Variants in WBP1L observed in about 807,000 individuals in gnomAD.
WBP1L encodes the protein WW domain binding protein 1-like.
In WBP1L, 17 loss-of-function variants were observed where a neutral mutation model predicts 33.7. The observed-to-expected ratio is 0.50, with a 90% confidence interval of 0.34 to 0.76. The LOEUF (loss-of-function observed/expected upper bound fraction) is 0.76. WBP1L is among the 30% of genes least tolerant of loss of function. The probability of loss-of-function intolerance (pLI) is 0.01; values close to 1 mark genes in which losing one functional copy is unlikely to be tolerated. For missense variants in WBP1L, 389 were observed against 469.4 expected (o/e 0.83, Z 1.58); for synonymous variants, 173 against 190.8 (o/e 0.91, Z 0.77).
At chr10:102,776,783 G>T (rs1365340632) in intron 1 of WBP1L, among the ~76,000 whole-genome samples, 1 of 152,108 alleles carries the variant, frequency 6.6e-6, no homozygotes, top group Non-Finnish European at 1.5e-5. Context: ...TCTCCATTTT[G>T]ATTTGGCTAG....
intron 1 of WBP1L, among the ~76,000 whole-genome samples, chr10:102,788,138 T>TC (rs1179907345): frequency 6.8e-6 from 1 of 146,730 alleles, no homozygotes; most frequent in East Asian, 2.0e-4. Flanking sequence ...TTTCTTTCTT[T>TC]TTTTTTTTTT....
At chr10:102,784,601 A>G (rs1399001469) in intron 1 of WBP1L, among the ~76,000 whole-genome samples, 1 of 150,794 alleles carries the variant, frequency 6.6e-6, no homozygotes, top group African/African-American at 2.4e-5. Flanking sequence ...AATTTTTTGT[A>G]TTTTTAGTAG....
rs148243020 is a variant in WBP1L, at chr10:102,812,824, C to T, written c.585C>T (p.Ile195=). 1.4e-4 allele frequency: 224 copies of T among 1,592,988 alleles called. No individual in the cohort carries two copies. Among genetic ancestry groups the T allele is most frequent in the Admixed American group, 1.6e-4 (9 of 57,422 alleles). The stretch of plus-strand genomic sequence containing the variant: ...GAAGCAGCACAAGACCCCCAAGCAT[C>T]GCTGACCCTGATCCCTCTGACCTAC... The part of the protein sequence containing the change: ...PSRSSTRPPS[I]ADPDPSDLPV... The change falls in exon 4 of 4, where the codon ATC becomes ATT. Residue 195 remains isoleucine, a synonymous_variant. Transcript: ENST00000448841.
At chr10:102,796,019 A>G (rs1843568701) in intron 1 of WBP1L, among the ~76,000 whole-genome samples, 1 of 152,200 alleles carries the variant, frequency 6.6e-6, no homozygotes, top group South Asian at 2.1e-4. Flanking sequence ...ATGGTCCACA[A>G]CTTGCGATGG....
chr10:102,775,858 G>A (rs139043611), intron 1 of WBP1L, among the ~76,000 whole-genome samples: 26 of 152,220 alleles, frequency 1.7e-4, no homozygotes, highest in Non-Finnish European at 2.6e-4. Context: ...AATACTCTAG[G>A]AGCTACAAAG....
At chr10:102,744,251 G>T in intron 1 of WBP1L, 108 bp downstream of exon 1, 1 of 1,303,986 alleles carries the variant, frequency 7.7e-7, no homozygotes, top group South Asian at 1.6e-5. Flanking sequence ...GTCCCGAGAG[G>T]GGCGTCTATG....
intron 2 of WBP1L, among the ~76,000 whole-genome samples, chr10:102,802,597 G>A (rs1029656752): frequency 3.3e-5 from 5 of 152,050 alleles, no homozygotes; most frequent in Non-Finnish European, 7.4e-5. Context: ...CCAGGTCCAA[G>A]CGATTCTCCC....
intron 1 of WBP1L, among the ~76,000 whole-genome samples, chr10:102,774,957 A>C (rs1326643333): frequency 6.6e-6 from 1 of 151,888 alleles, no homozygotes; most frequent in African/African-American, 2.4e-5. Flanking sequence ...CTACACAAAA[A>C]AACAAAAATT....
chr10:102,765,120 A>G (rs1843091733), intron 1 of WBP1L, among the ~76,000 whole-genome samples: 1 of 152,180 alleles, frequency 6.6e-6, no homozygotes, highest in Non-Finnish European at 1.5e-5. Context: ...AGACTTCATG[A>G]GCTTGGAGAA....
chr10:102,810,704 T>C (rs942600210), intron 3 of WBP1L, among the ~76,000 whole-genome samples: 8 of 150,894 alleles, frequency 5.3e-5, no homozygotes, highest in South Asian at 2.1e-4. Flanking sequence ...GTAGCTGGGA[T>C]TACAGGCATG....
In WBP1L at chr10:102,793,668, C is replaced by T. The variant is rs1843533670; in HGVS notation, c.91-4325C>T. Among the ~76,000 whole-genome samples the T allele has an allele frequency of 2.6e-5, 4 of 152,074 alleles. No homozygotes were observed. The South Asian group carries it at 8.3e-4, about 32-fold the overall frequency. The stretch of plus-strand genomic sequence containing the variant: ...TTTCATGCTCAGCAATAGTGGCTCA[C>T]AGAATAATGTTGATAGTAGGAGCCC... On this transcript the variant is annotated intron_variant, in intron 1 of 3. Transcript: ENST00000448841.
chr10:102,785,947 T>C (rs1348437308), intron 1 of WBP1L, among the ~76,000 whole-genome samples: 1 of 152,244 alleles, frequency 6.6e-6, no homozygotes, highest in South Asian at 2.1e-4. Context: ...CCCTGGGACA[T>C]TGACAAGTAG....
At chr10:102,777,291 C>G (rs1843278038) in intron 1 of WBP1L, among the ~76,000 whole-genome samples, 1 of 152,116 alleles carries the variant, frequency 6.6e-6, no homozygotes. Flanking sequence ...GCTGCCTGTT[C>G]CTGGGTGAGG....
chr10:102,814,083 A>G lies in WBP1L; in HGVS notation c.*752A>G, dbSNP rs1843891699. Reference sequence around the variant, plus strand: ...AAAAACAAACAGCAAAAGACAGCTGAAAACAAGAACTTCACCGGTGGGCAG... The same window carrying G: ...AAAAACAAACAGCAAAAGACAGCTGGAAACAAGAACTTCACCGGTGGGCAG... On this transcript the variant is annotated 3_prime_UTR_variant, in exon 4 of 4. Transcript: ENST00000448841. The G allele has an allele frequency of 6.6e-6, 1 of 152,228 alleles. No individual in the cohort carries two copies. The highest frequency in any genetic ancestry group is 1.5e-5 in the Non-Finnish European group (1 of 68,036). The allele number at this position is 152,228 out of a possible 1,614,324, so 9.4% of individuals were successfully genotyped here. A position where few individuals can be genotyped will look rare whatever the true frequency, so the allele number is the denominator to read the frequency against.
intron 1 of WBP1L, among the ~76,000 whole-genome samples, chr10:102,787,377 C>T (rs1843430085): frequency 6.6e-6 from 1 of 151,932 alleles, no homozygotes; most frequent in African/African-American, 2.4e-5. Flanking sequence ...CACTTGAGCC[C>T]AGAGTTTGAG....
intron 1 of WBP1L, among the ~76,000 whole-genome samples, chr10:102,784,411 GTTC>G (rs1231022852): frequency 7.0e-6 from 1 of 142,778 alleles, no homozygotes; most frequent in Non-Finnish European, 1.5e-5. Context: ...AGTTCCAAAA[GTTC>G]TTGTTTCTTT....
intron 2 of WBP1L, among the ~76,000 whole-genome samples, chr10:102,806,754 T>A (rs1843742363): frequency 6.6e-6 from 1 of 152,118 alleles, no homozygotes; most frequent in African/African-American, 2.4e-5. Flanking sequence ...TGCCGTGGAA[T>A]GGTACTGCCA....
intron 3 of WBP1L, among the ~76,000 whole-genome samples, chr10:102,810,816 C>T (rs1045376911): frequency 2.6e-5 from 4 of 151,830 alleles, no homozygotes; most frequent in East Asian, 2.0e-4. Context: ...ATCTGCTCGT[C>T]TCGGCCTCCC....
intron 2 of WBP1L, among the ~76,000 whole-genome samples, chr10:102,806,647 TG>T (rs1436151970): frequency 6.6e-6 from 1 of 152,200 alleles, no homozygotes; most frequent in African/African-American, 2.4e-5. Flanking sequence ...TGTCTGCTGA[TG>T]GGTAACAGGG....
Sources: allele counts gnomAD v4.1 joint callset (sites outside exome capture counted in the v4.1 genomes callset), GRCh38; gene constraint gnomAD v4.1.1; transcripts MANE v1.5; gene names NCBI Gene and HGNC (gene_info 2026-07-23, HGNC 2026-07-21).